The following MAST2 variants were observed in gnomAD, a reference collection of about 807,000 sequenced individuals.
MAST2 encodes microtubule-associated serine/threonine-protein kinase 2.
A neutral mutation model predicts 147.4 loss-of-function variants in MAST2; 70 were observed. The observed-to-expected ratio is 0.47, with a 90% CI of 0.39 to 0.58. MAST2 has a LOEUF of 0.58. MAST2 is among the 20% of genes least tolerant of loss of function. The pLI is 0.00. For missense variants in MAST2, 2,080 were observed against 2,302.3 expected, an observed-to-expected ratio of 0.90 and a Z score of 1.98; for synonymous variants, 869 against 896.8, an observed-to-expected ratio of 0.97 and a Z score of 0.55.
Position 46,025,829 on chromosome 1 carries a change from CTG to C in MAST2, c.1919+18_1919+19del, listed in dbSNP as rs763618222. On this transcript the variant is annotated intron_variant, in intron 16 of 28. Coordinates refer to ENST00000361297, the MANE Select transcript of MAST2 (RefSeq NM_015112.3). ...CAAGCCTGACAAGTATGTCCACAGT[CTG>C]TGTCCCTTGTCCAGGGTCTCCCTCT... The C allele has an allele frequency of 9.9e-6, 16 of 1,614,160 alleles. No homozygotes were observed. Among genetic ancestry groups the C allele is most frequent in the Non-Finnish European group, 1.3e-5 (15 of 1,179,992 alleles).
intron 5 of MAST2, among the ~76,000 whole-genome samples, chr1:45,995,316 C>T (rs1000334691): frequency 1.3e-5 from 2 of 152,112 alleles, no homozygotes; most frequent in Non-Finnish European, 2.9e-5. Flanking sequence ...GAGTTTTGAG[C>T]GATTTGACTG....
chr1:45,870,332 T>C (rs978713483), intron 3 of MAST2, among the ~76,000 whole-genome samples: 39 of 152,126 alleles, frequency 2.6e-4, no homozygotes, highest in African/African-American at 9.4e-4. Context: ...TTTTATTGTA[T>C]AACCACATTC....
chr1:45,865,725 A>G (rs1032361899), intron 3 of MAST2, among the ~76,000 whole-genome samples: 1 of 152,226 alleles, frequency 6.6e-6, no homozygotes, highest in Admixed American at 6.5e-5. Flanking sequence ...ACAGTGAATG[A>G]AAATAGACTG....
At chr1:45,822,398 GA>G (rs11350415) in intron 1 of MAST2, among the ~76,000 whole-genome samples, 67,664 of 151,854 alleles carry the variant, frequency 0.45, 15,333 homozygotes, top group East Asian at 0.62. Context: ...CTTGCAGTAA[GA>G]AGGGGTGTGA....
chr1:46,000,198 T>C (rs1185473429), intron 6 of MAST2, among the ~76,000 whole-genome samples: 1 of 152,060 alleles, frequency 6.6e-6, no homozygotes, highest in African/African-American at 2.4e-5. Flanking sequence ...TCTGTAATCC[T>C]AGCTGCTCGG....
Position 46,025,768 on chromosome 1 carries a change from G to A in MAST2, c.1872G>A (p.Glu624=). 3 of 1,614,218 alleles carry A rather than the reference G, an allele frequency of 1.9e-6. No individual in the cohort carries two copies. Among genetic ancestry groups the A allele is most frequent in the African/African-American group, 1.3e-5 (1 of 75,056 alleles). The change falls in exon 16 of 29, where the codon GAG becomes GAA. Residue 624 remains glutamate (E), a synonymous_variant. Transcript: ENST00000361297. ...LYFAETVLAL[E]YLHNYGIVHR... is the part of the protein sequence containing the mutation. ...TTGCGGAAACTGTGCTGGCCCTGGA[G>A]TACTTACACAACTATGGCATCGTGC...
intron 4 of MAST2, among the ~76,000 whole-genome samples, chr1:45,902,789 T>C (rs1255599796): frequency 6.6e-6 from 1 of 152,162 alleles, no homozygotes; most frequent in Non-Finnish European, 1.5e-5. Flanking sequence ...TATAGTAGTC[T>C]CTGAGGAGCT....
At chr1:45,939,354 C>T (rs2148782629) in intron 4 of MAST2, among the ~76,000 whole-genome samples, 1 of 152,228 alleles carries the variant, frequency 6.6e-6, no homozygotes, top group Admixed American at 6.5e-5. Flanking sequence ...TCTCTCTTGC[C>T]TTCCATTAAT....
intron 4 of MAST2, among the ~76,000 whole-genome samples, chr1:45,884,773 A>G (rs896739717): frequency 6.6e-6 from 1 of 152,214 alleles, no homozygotes; most frequent in African/African-American, 2.4e-5. Flanking sequence ...GCAAGGAAAC[A>G]TGGGTACTAA....
chr1:46,014,279 CTCA>C (rs1454356664), intron 10 of MAST2, among the ~76,000 whole-genome samples: 2 of 150,254 alleles, frequency 1.3e-5, no homozygotes, highest in African/African-American at 2.5e-5. Context: ...CACCAATTAA[CTCA>C]TCATTTAGCA....
At position 46,021,081 on chromosome 1, in the gene MAST2, G is replaced by C. The variant is rs533466927; in HGVS notation, c.1291-869G>C. On this transcript the variant is annotated intron_variant, in intron 11 of 28. Transcript: ENST00000361297. ...AATAGAGAGAAAGAGGTGGATTAGAGGGGTATTTATGAGAGAGACATTCTG... is the reference window on the plus strand; with the variant it reads ...AATAGAGAGAAAGAGGTGGATTAGACGGGTATTTATGAGAGAGACATTCTG... Among the ~76,000 whole-genome samples, 12 of 152,246 alleles carry C rather than the reference G, an allele frequency of 7.9e-5. No individual in the cohort carries two copies. The East Asian group carries it at 2.1e-3, about 27-fold the overall frequency.
intron 3 of MAST2, among the ~76,000 whole-genome samples, chr1:45,839,023 G>A (rs1645190802): frequency 6.6e-6 from 1 of 152,050 alleles, no homozygotes; most frequent in African/African-American, 2.4e-5. Flanking sequence ...ATCCAGGCTG[G>A]AGTATAGGGG....
chr1:45,810,189 T>A (rs926726334), intron 1 of MAST2, among the ~76,000 whole-genome samples: 4 of 152,196 alleles, frequency 2.6e-5, no homozygotes, highest in African/African-American at 9.7e-5. Flanking sequence ...TGAGTAATAA[T>A]GGTTATATGA....
chr1:45,883,893 TC>T (rs1394800445), intron 4 of MAST2, among the ~76,000 whole-genome samples: 1 of 137,534 alleles, frequency 7.3e-6, no homozygotes, highest in Non-Finnish European at 1.6e-5. Flanking sequence ...TTGTACTTGG[TC>T]ATTTTTCTAC....
intron 3 of MAST2, among the ~76,000 whole-genome samples, chr1:45,833,511 GAT>G (rs780171665): frequency 6.6e-6 from 1 of 152,094 alleles, no homozygotes; most frequent in Non-Finnish European, 1.5e-5. Flanking sequence ...TTTTAATGTA[GAT>G]ATATGTTTTC....
chr1:45,958,092 G>A (rs1388072705), intron 4 of MAST2, among the ~76,000 whole-genome samples: 2 of 152,108 alleles, frequency 1.3e-5, no homozygotes, highest in Admixed American at 6.6e-5. Context: ...AGGTTAGAGA[G>A]TGGAAGGCAT....
At chr1:46,018,068 G>T (rs1418049399) in intron 10 of MAST2, among the ~76,000 whole-genome samples, 10 of 151,996 alleles carry the variant, frequency 6.6e-5, no homozygotes, top group Admixed American at 6.6e-4. Flanking sequence ...GCCACCTCTC[G>T]GTGGAGCACA....
intron 5 of MAST2, among the ~76,000 whole-genome samples, chr1:45,960,030 A>G (rs1322671787): frequency 6.6e-6 from 1 of 152,116 alleles, no homozygotes; most frequent in Non-Finnish European, 1.5e-5. Flanking sequence ...CTCATCCTCC[A>G]AAGTACTGGG....
intron 1 of MAST2, among the ~76,000 whole-genome samples, chr1:45,823,198 T>C (rs1644689114): frequency 6.6e-6 from 1 of 151,894 alleles, no homozygotes; most frequent in African/African-American, 2.4e-5. Context: ...GTATAGAATT[T>C]TTTTCTTTTT....
Sources: gnomAD v4.1 joint callset for allele counts (sites outside exome capture counted in the v4.1 genomes callset) on GRCh38, gnomAD v4.1.1 for gene constraint, MANE v1.5 for transcripts, NCBI Gene and HGNC (gene_info 2026-07-23, HGNC 2026-07-21) for gene names.